The following SYNDIG1L variants were observed in gnomAD, a reference collection of about 807,000 sequenced individuals.
SYNDIG1L encodes the protein synapse differentiation-inducing gene protein 1-like.
Under a neutral mutation model 20.1 loss-of-function variants are expected in SYNDIG1L, and 13 were observed. The ratio of observed to expected loss-of-function variants is 0.65; its 90% confidence interval spans 0.42 to 1.03. The LOEUF (loss-of-function observed/expected upper bound fraction) is 1.03, where lower values mean the gene tolerates loss of function less well. Among genes scored for constraint, SYNDIG1L ranks in the 50% least tolerant of loss-of-function variants. SYNDIG1L has a pLI of 0.00. For missense variants in SYNDIG1L, 294 were observed against 305.1 expected (o/e 0.96, Z 0.27); for synonymous variants, 128 against 129.3 (o/e 0.99, Z 0.07).
Position 74,407,921 on chromosome 14 carries a change from C to T in SYNDIG1L, c.486G>A (p.Leu162=). ...AGAGCATGGAGAAGAGAGTAAGTCC[C>T]AGGTGGTCCCTGGGAGGCAGCGTGA... ...NFLTLPPRDH[L]GLTLFSMLCC... Residue 162 remains leucine (L), a synonymous_variant, in exon 3 of 4, where the codon CTG becomes CTA. Coordinates refer to ENST00000331628, the MANE Select transcript of SYNDIG1L (RefSeq NM_001105579.2). 6.2e-7 allele frequency: 1 copy of T among 1,614,016 alleles called. No individual in the cohort carries two copies. Among genetic ancestry groups the T allele is most frequent in the Non-Finnish European group, 8.5e-7 (1 of 1,179,934 alleles).
In SYNDIG1L at chr14:74,416,378, G is replaced by A. The variant is rs573459832; in HGVS notation, c.-57-6577C>T. 1.1e-3 allele frequency among the ~76,000 whole-genome samples: 163 copies of A among 152,220 alleles called. No homozygotes were observed. In the Middle Eastern group the frequency reaches 0.014, roughly 13 times the overall value. ...AGGCTAGGCATGGTGGCTCACATCT[G>A]TAATCAGTATTTTGGGAGGCCAAGG... On this transcript the variant is annotated intron_variant, in intron 1 of 3. Transcript: ENST00000331628.
chr14:74,421,160 A>C (rs1566585099), intron 1 of SYNDIG1L, among the ~76,000 whole-genome samples: 1 of 152,226 alleles, frequency 6.6e-6, no homozygotes, highest in Non-Finnish European at 1.5e-5. Flanking sequence ...AGAACACTGC[A>C]TCTATGAAAC....
rs748985108 is a variant in SYNDIG1L at position 74,407,851 on chromosome 14, C to A, written c.556G>T (p.Gly186Trp). The A allele has an allele frequency of 5.6e-6, 9 of 1,612,084 alleles. No homozygotes were observed. The highest frequency in any genetic ancestry group is 5.0e-5 in the Admixed American group (3 of 59,796). ...LGIAAFYFSQGTSKAISKGDF... is the reference protein window; with the variant it reads ...LGIAAFYFSQWTSKAISKGDF... ...ACCTGGGCCCCAGGTGCTCTTACCC[C>A]CTGGGAGAAGTAGAAGGCAGCAATG... The change falls in exon 3 of 4, where the codon GGG becomes TGG. Residue 186 changes from glycine (G) to tryptophan (W), a missense_variant and splice_region_variant. Transcript: ENST00000331628.
chr14:74,476,471 A>C, the SYNDIG1L span: 1 of 1,466,160 alleles, frequency 6.8e-7, no homozygotes. Context: ...AGGTGAGGGG[A>C]GCCACACTGA....
intron 1 of SYNDIG1L, among the ~76,000 whole-genome samples, chr14:74,423,068 C>T (rs1191491531): frequency 6.6e-6 from 1 of 152,112 alleles, no homozygotes; most frequent in Non-Finnish European, 1.5e-5. Flanking sequence ...CCCCCAAGAT[C>T]ACCCAATCAT....
the SYNDIG1L span, among the ~76,000 whole-genome samples, chr14:74,472,617 C>T: frequency 6.6e-6 from 1 of 152,052 alleles, no homozygotes; most frequent in African/African-American, 2.4e-5. Context: ...TGAATTGTGT[C>T]ATGAAGGGAG....
the SYNDIG1L span, among the ~76,000 whole-genome samples, chr14:74,451,422 C>G: frequency 6.6e-6 from 1 of 152,114 alleles, no homozygotes; most frequent in Non-Finnish European, 1.5e-5. Flanking sequence ...AAGATTGATT[C>G]AAAGTTGATC....
the SYNDIG1L span, among the ~76,000 whole-genome samples, chr14:74,463,509 C>G: frequency 4.6e-5 from 7 of 152,180 alleles, no homozygotes; most frequent in African/African-American, 1.7e-4. Context: ...TGCCCTCTTC[C>G]CACTGTCGTC....
the SYNDIG1L span, among the ~76,000 whole-genome samples, chr14:74,459,038 T>C: frequency 6.6e-6 from 1 of 151,762 alleles, no homozygotes; most frequent in Admixed American, 6.6e-5. Context: ...AGACGCTGAG[T>C]GGAGAAGTTA....
At chr14:74,463,417 T>A in the SYNDIG1L span, among the ~76,000 whole-genome samples, 2 of 152,158 alleles carry the variant, frequency 1.3e-5, no homozygotes, top group Non-Finnish European at 2.9e-5. Flanking sequence ...GCTGGGATGA[T>A]CTGGCCTCTG....
chr14:74,422,077 C>T (rs2086226523), intron 1 of SYNDIG1L, among the ~76,000 whole-genome samples: 1 of 152,108 alleles, frequency 6.6e-6, no homozygotes, highest in Non-Finnish European at 1.5e-5. Flanking sequence ...TCTTTTTTCT[C>T]ACTGAAACAA....
chr14:74,407,465 G>A lies in SYNDIG1L; in HGVS notation c.*70C>T. On this transcript the variant is annotated 3_prime_UTR_variant, in exon 4 of 4. Transcript: ENST00000331628. ...CTTCAGGGGCCGGGCCTTTCCATAG[G>A]GTCTGCAACTCCAAGCCCCACTGCT... is the stretch of plus-strand genomic sequence containing the variant. The A allele has an allele frequency of 6.3e-7, 1 of 1,597,900 alleles. No individual in the cohort carries two copies. Among genetic ancestry groups the A allele is most frequent in the East Asian group, 2.2e-5 (1 of 44,828 alleles).
intron 1 of SYNDIG1L, among the ~76,000 whole-genome samples, chr14:74,415,180 A>G (rs529137608): frequency 1.3e-5 from 2 of 152,328 alleles, no homozygotes; most frequent in South Asian, 4.1e-4. Flanking sequence ...ACTCAGAAAC[A>G]AACCAGCCCT....
the SYNDIG1L span, among the ~76,000 whole-genome samples, chr14:74,448,456 A>G: frequency 6.6e-6 from 1 of 152,192 alleles, no homozygotes; most frequent in Non-Finnish European, 1.5e-5. Context: ...AACAATCTAT[A>G]CAGTTATATA....
At chr14:74,449,250 G>GA in the SYNDIG1L span, among the ~76,000 whole-genome samples, 24 of 134,424 alleles carry the variant, frequency 1.8e-4, no homozygotes, top group East Asian at 6.4e-4. Context: ...AAGAAAAAAA[G>GA]AAAAAAAAAA....
At chr14:74,477,868 G>T in the SYNDIG1L span, among the ~76,000 whole-genome samples, 4 of 152,306 alleles carry the variant, frequency 2.6e-5, no homozygotes, top group East Asian at 7.7e-4. Flanking sequence ...ATATACCTAA[G>T]ATTCAGTGCT....
intron 1 of SYNDIG1L, among the ~76,000 whole-genome samples, chr14:74,413,489 G>T (rs917849217): frequency 5.3e-5 from 8 of 152,178 alleles, no homozygotes; most frequent in African/African-American, 1.9e-4. Flanking sequence ...AAAAGAAAAT[G>T]GTAAATGCAT....
chr14:74,430,086 G>T (rs2086292157), upstream of SYNDIG1L, among the ~76,000 whole-genome samples: 1 of 152,152 alleles, frequency 6.6e-6, no homozygotes, highest in South Asian at 2.1e-4. Flanking sequence ...CTGCTTTCCT[G>T]CCAGGCACAC....
chr14:74,449,066 T>C, the SYNDIG1L span, among the ~76,000 whole-genome samples: 5 of 151,620 alleles, frequency 3.3e-5, no homozygotes, highest in African/African-American at 1.2e-4. Context: ...ATCTCGTCTC[T>C]ATAAGAAAAT....
Sources: allele counts gnomAD v4.1 joint callset (sites outside exome capture counted in the v4.1 genomes callset), GRCh38; gene constraint gnomAD v4.1.1; transcripts MANE v1.5; gene names NCBI Gene and HGNC (gene_info 2026-07-23, HGNC 2026-07-21).